TRAFD1: variants seen among roughly 807,000 people sequenced by gnomAD.
TRAFD1 encodes the protein TRAF-type zinc finger domain containing 1, also known as TRAF-type zinc finger domain-containing protein 1.
In TRAFD1, 38 loss-of-function variants were observed where a neutral mutation model predicts 65.3. That is an observed-to-expected ratio of 0.58 (90% CI 0.45 to 0.76). The LOEUF is 0.76. Ranked by LOEUF, TRAFD1 falls within the 30% of genes least tolerant of loss-of-function variation. The pLI, the probability that TRAFD1 is intolerant of heterozygous loss-of-function variation, is 0.00. For missense variants in TRAFD1, 631 were observed against 712.6 expected, an observed-to-expected ratio of 0.89 and a Z score of 1.30; for synonymous variants, 223 against 257.2, an observed-to-expected ratio of 0.87 and a Z score of 1.27.
chr12:112,132,988 T>C (rs1409880673), intron 2 of TRAFD1, among the ~76,000 whole-genome samples: 2 of 152,216 alleles, frequency 1.3e-5, no homozygotes, highest in African/African-American at 2.4e-5. Context: ...GCTGGTGAAA[T>C]TGGAATTTTA....
intron 8 of TRAFD1, chr12:112,149,509 G>T (rs2030342782): frequency 5.2e-6 from 2 of 387,852 alleles, no homozygotes; most frequent in South Asian, 4.7e-5. Flanking sequence ...GTTTTTCTGG[G>T]CTCCAAGATC....
In TRAFD1 at chr12:112,152,453, C is replaced by A. The variant is rs759253825; in HGVS notation, c.1646C>A (p.Ser549Tyr). Reference sequence around the variant, plus strand: ...GGTAGGAGTGAAGGTGGCAGGAATTCCCGGGTCACCCCTGCAGCTGCCAAC... The same window carrying A: ...GGTAGGAGTGAAGGTGGCAGGAATTACCGGGTCACCCCTGCAGCTGCCAAC... ...ASGRSEGGRN[S>Y]RVTPAAANYR... Residue 549 changes from serine to tyrosine, a missense_variant, in exon 11 of 12, where the codon TCC (serine) becomes TAC (tyrosine). Transcript: ENST00000412615. The surrounding 1 kb of genome is among the most constrained non-coding windows in gnomAD (Gnocchi z 5.0). The A allele has an allele frequency of 1.2e-6, 2 of 1,613,734 alleles. No individual in the cohort carries two copies. Among genetic ancestry groups the A allele is most frequent in the Non-Finnish European group, 1.7e-6 (2 of 1,180,034 alleles).
rs758500366 is a variant in TRAFD1, at chr12:112,152,186, G to A, written c.1619+46G>A. ...AATGGGGCTTGGGAGTAGCTGAAGC[G>A]AACATGGGCAAAGGCCTGGTTACCC... On this transcript the variant is annotated intron_variant, in intron 10 of 11. Transcript: ENST00000412615. The surrounding 1 kb of genome is among the most constrained non-coding windows in gnomAD (Gnocchi z 5.0). 9 of 1,569,302 alleles carry A rather than the reference G, an allele frequency of 5.7e-6. No homozygotes were observed. Among genetic ancestry groups the A allele is most frequent in the East Asian group, 2.2e-5 (1 of 44,520 alleles).
chr12:112,150,611 GCAGTGGCGT>G (rs1322914843), intron 9 of TRAFD1, among the ~76,000 whole-genome samples: 1 of 151,802 alleles, frequency 6.6e-6, no homozygotes, highest in East Asian at 1.9e-4. Flanking sequence ...AGGCTGGAGT[GCAGTGGCGT>G]GATCACTGCA....
At chr12:112,144,202 A>C (rs530190320) in intron 6 of TRAFD1, among the ~76,000 whole-genome samples, 31 of 151,782 alleles carry the variant, frequency 2.0e-4, no homozygotes, top group Non-Finnish European at 4.1e-4. Flanking sequence ...CTGAGAATTT[A>C]TAAATGCTTC....
rs781678352 is a variant in TRAFD1, at chr12:112,152,769, C to T, written c.1727C>T (p.Ala576Val). The T allele has an allele frequency of 6.2e-7, 1 of 1,614,192 alleles. No individual in the cohort carries two copies. The highest frequency in any genetic ancestry group is 8.5e-7 in the Non-Finnish European group (1 of 1,180,038). ...KPSKQQGAGDAEEEEEE is the reference protein window; with the variant it reads ...KPSKQQGAGDVEEEEEE ...TCCAAGCAACAGGGAGCTGGGGATG[C>T]AGAAGAGGAAGAGGAGGAGTAATGG... Residue 576 changes from alanine (A) to valine (V), a missense_variant, in exon 12 of 12, where the codon GCA becomes GTA. Physicochemically the swap from Ala to Val is moderately conservative, Grantham distance 64. Coordinates refer to ENST00000412615, the MANE Select transcript of TRAFD1 (RefSeq NM_006700.3). The surrounding 1 kb of genome is among the most constrained non-coding windows in gnomAD (Gnocchi z 5.0).
At position 112,142,148 on chromosome 12, in the gene TRAFD1, G is replaced by T. The variant is rs1415828648; in HGVS notation, c.703G>T (p.Glu235Ter). 6.2e-7 allele frequency: 1 copy of T among 1,613,988 alleles called. No individual in the cohort carries two copies. Among genetic ancestry groups the T allele is most frequent in the South Asian group, 1.1e-5 (1 of 91,070 alleles). ...CCAACAGCCCCCCAAAGAGGGTGGT[G>T]AAGAGAGTGCAAACTTGGACTTCAT... ...RGQQPPKEGG[E>*]ESANLDFMLA... The change falls in exon 6 of 12, where the codon GAA (glutamate) becomes TAA (stop). Residue 235 changes from glutamate to a stop codon, truncating the protein, a stop_gained. Coordinates refer to ENST00000412615, the MANE Select transcript of TRAFD1 (RefSeq NM_006700.3). LOFTEE classifies it high-confidence loss of function.
chr12:112,139,966 A>T (rs2030037054), intron 4 of TRAFD1, among the ~76,000 whole-genome samples: 1 of 152,060 alleles, frequency 6.6e-6, no homozygotes, highest in Non-Finnish European at 1.5e-5. Flanking sequence ...TGCACCATGC[A>T]CTCCATGCAC....
intron 9 of TRAFD1, among the ~76,000 whole-genome samples, chr12:112,151,434 C>G (rs999059320): frequency 6.7e-6 from 1 of 149,980 alleles, no homozygotes; most frequent in Admixed American, 6.6e-5. Context: ...TCTGTCTTGT[C>G]CAGGCTGGAG....
At position 112,139,420 on chromosome 12, in the gene TRAFD1, A is replaced by G. The variant is rs2030019530; in HGVS notation, c.238-1399A>G. On this transcript the variant is annotated intron_variant, in intron 4 of 11. Coordinates refer to ENST00000412615, the MANE Select transcript of TRAFD1 (RefSeq NM_006700.3). ...ATGTAGATATAATGCCAATTCAGAAAGTTTTTTTTCAAAAGCTTTTTTTTT... is the reference window on the plus strand; with the variant it reads ...ATGTAGATATAATGCCAATTCAGAAGGTTTTTTTTCAAAAGCTTTTTTTTT... Among the ~76,000 whole-genome samples the G allele has an allele frequency of 2.0e-5, 3 of 152,088 alleles. No homozygotes were observed. The South Asian group carries it at 6.2e-4, about 32-fold the overall frequency.
intron 1 of TRAFD1, among the ~76,000 whole-genome samples, chr12:112,129,193 ATTTTTTTTTTTT>A (rs56949881): frequency 9.8e-5 from 8 of 81,366 alleles, no homozygotes; most frequent in African/African-American, 3.0e-4. Context: ...TGGGATGGTG[ATTTTTTTTTTTT>A]TTTTTTTTTT....
chr12:112,150,823 A>G (rs927334858), intron 9 of TRAFD1, among the ~76,000 whole-genome samples: 7 of 151,520 alleles, frequency 4.6e-5, no homozygotes, highest in African/African-American at 1.5e-4. Context: ...TCGGCCTCCC[A>G]AAGTGTTGGG....
chr12:112,144,799 C>G (rs1484148120), intron 6 of TRAFD1, among the ~76,000 whole-genome samples: 2 of 152,136 alleles, frequency 1.3e-5, no homozygotes, highest in African/African-American at 2.4e-5. Flanking sequence ...GGGAGGATCT[C>G]TTGAGCCTGG....
intron 9 of TRAFD1, among the ~76,000 whole-genome samples, chr12:112,150,146 T>G (rs2030361918): frequency 6.6e-6 from 1 of 152,236 alleles, no homozygotes; most frequent in South Asian, 2.1e-4. Flanking sequence ...TTCCTATCTG[T>G]GCACTTAGTG....
At chr12:112,135,831 T>C (rs536932845) in intron 4 of TRAFD1, among the ~76,000 whole-genome samples, 2 of 151,824 alleles carry the variant, frequency 1.3e-5, no homozygotes, top group East Asian at 1.9e-4. Flanking sequence ...AAAGGTTTTT[T>C]TTTTTTTTTT....
intron 4 of TRAFD1, among the ~76,000 whole-genome samples, chr12:112,136,577 C>G (rs2029917256): frequency 4.6e-5 from 7 of 151,992 alleles, no homozygotes; most frequent in African/African-American, 1.7e-4. Context: ...GCCACCATGC[C>G]CGGTCATTTT....
chr12:112,133,707 CTTT>C (rs1294001209), intron 2 of TRAFD1, among the ~76,000 whole-genome samples: 8 of 135,548 alleles, frequency 5.9e-5, no homozygotes, highest in Admixed American at 2.2e-4. Context: ...GGATTTAGTT[CTTT>C]TTTTTTTTTT....
intron 4 of TRAFD1, 115 bp downstream of exon 4, chr12:112,135,181 C>A: frequency 8.1e-7 from 1 of 1,230,038 alleles, no homozygotes; most frequent in Non-Finnish European, 1.2e-6. Flanking sequence ...CACATGCATA[C>A]TGTTTCTCAA....
Position 112,152,534 on chromosome 12 carries a change from G to A in TRAFD1, c.1692+35G>A, listed in dbSNP as rs2136984237. On this transcript the variant is annotated intron_variant, in intron 11 of 11. Coordinates refer to ENST00000412615, the MANE Select transcript of TRAFD1 (RefSeq NM_006700.3). This position sits in a 1 kb window ranked among gnomAD's most constrained non-coding sequence, Gnocchi z 5.0. ...GCTCCAGCCCATGATGCTCAGTGGG[G>A]GACTCAGACATGGTGGGGCTTGTGT... The A allele has an allele frequency of 1.2e-6, 2 of 1,612,834 alleles. No individual in the cohort carries two copies. Among genetic ancestry groups the A allele is most frequent in the Non-Finnish European group, 1.7e-6 (2 of 1,179,064 alleles).
Sources: gnomAD v4.1 joint callset for allele counts (sites outside exome capture counted in the v4.1 genomes callset) on GRCh38, gnomAD v4.1.1 for gene constraint, Gnocchi (gnomAD v3.1) non-coding constraint, MANE v1.5 for transcripts, NCBI Gene and HGNC (gene_info 2026-07-23, HGNC 2026-07-21) for gene names.